Variants in THOP1 observed in about 807,000 individuals in gnomAD.
THOP1 encodes the protein thimet oligopeptidase 1.
In THOP1, 49 loss-of-function variants were observed where a neutral mutation model predicts 71.8. That is an observed-to-expected ratio of 0.68 (90% CI 0.54 to 0.87). The LOEUF is 0.87. Ranked by LOEUF, THOP1 falls within the 40% of genes least tolerant of loss-of-function variation. The pLI is 0.00. For missense variants in THOP1, 843 were observed against 975.6 expected (o/e 0.86, Z 1.81); for synonymous variants, 426 against 421.5 (o/e 1.01, Z -0.13).
At position 2,801,494 on chromosome 19, in the gene THOP1, G is replaced by A. The variant is rs148081893; in HGVS notation, c.589+1703G>A. On this transcript the variant is annotated intron_variant, in intron 5 of 12. Coordinates refer to ENST00000307741, the MANE Select transcript of THOP1 (RefSeq NM_003249.5). The surrounding 1 kb of genome is among the most constrained non-coding windows in gnomAD (Gnocchi z 5.1). ...TGACACCGTCATGCGGGTGGCTAGC[G>A]TGTTGGGTGACAGTCTCCAGGGCTG... is the stretch of plus-strand genomic sequence containing the variant. Among the ~76,000 whole-genome samples, 8 of 152,296 alleles carry A rather than the reference G, an allele frequency of 5.3e-5. No homozygotes were observed. Among genetic ancestry groups the A allele is most frequent in the East Asian group, 1.9e-4 (1 of 5,176 alleles).
rs1249846332 is a variant in THOP1 at position 2,815,190 on chromosome 19, C to G, written c.*1914C>G. 6.6e-6 allele frequency: 1 copy of G among 152,318 alleles called. No individual in the cohort carries two copies. Among genetic ancestry groups the G allele is most frequent in the Non-Finnish European group, 1.5e-5 (1 of 68,104 alleles). The allele number at this position is 152,318 out of a possible 1,614,324, so 9.4% of individuals were successfully genotyped here. A position where few individuals can be genotyped will look rare whatever the true frequency, so the allele number is the denominator to read the frequency against. On this transcript the variant is annotated 3_prime_UTR_variant, in exon 13 of 13. Transcript: ENST00000307741. ...TCCCCTGCCCCGAGCCCTCAGGTGGCCTCCACCTGGTCCCCAGCGAAGTCC... is the reference window on the plus strand; with the variant it reads ...TCCCCTGCCCCGAGCCCTCAGGTGGGCTCCACCTGGTCCCCAGCGAAGTCC...
At chr19:2,791,342 C>G (rs1292790910) in intron 2 of THOP1, among the ~76,000 whole-genome samples, 1 of 152,226 alleles carries the variant, frequency 6.6e-6, no homozygotes, top group Admixed American at 6.5e-5. Context: ...TTCCATCTAG[C>G]GGAAGGCCTT....
chr19:2,803,541 C>A (rs533148596), intron 5 of THOP1, among the ~76,000 whole-genome samples: 71 of 152,336 alleles, frequency 4.7e-4, no homozygotes, highest in Non-Finnish European at 9.3e-4. Context: ...CGCTGCTGGG[C>A]CCCCCAGCTG....
At chr19:2,798,789 C>G (rs944255306) in intron 4 of THOP1, among the ~76,000 whole-genome samples, 8 of 152,198 alleles carry the variant, frequency 5.3e-5, no homozygotes, top group African/African-American at 1.9e-4. Context: ...CCCCATGGAG[C>G]TGGGCTCCAG....
At chr19:2,794,055 C>T (rs1915951101) in intron 2 of THOP1, among the ~76,000 whole-genome samples, 1 of 151,044 alleles carries the variant, frequency 6.6e-6, no homozygotes, top group Admixed American at 6.6e-5. Flanking sequence ...CACTCTGTCG[C>T]CCAGGCTGGA....
chr19:2,806,693 C>A, intron 6 of THOP1: 4 of 669,110 alleles, frequency 6.0e-6, no homozygotes, highest in East Asian at 5.8e-5. Flanking sequence ...CCGTGTGAGG[C>A]CTTAGAGTCA....
chr19:2,796,912 GAGTT>G (rs1317127139), intron 4 of THOP1, among the ~76,000 whole-genome samples: 2 of 152,214 alleles, frequency 1.3e-5, no homozygotes, highest in African/African-American at 4.8e-5. Context: ...GGGGTGACAT[GAGTT>G]AGTTGGTGCA....
At position 2,804,302 on chromosome 19, in the gene THOP1, A is replaced by G. The variant is rs572615106; in HGVS notation, c.590-714A>G. ...GGTGTGGCTGCCGGGCAGCGGGGTG[A>G]ACTGTGTCCTGCCAGGGGTTTTGTG... On this transcript the variant is annotated intron_variant, in intron 5 of 12. Transcript: ENST00000307741. This position sits in a 1 kb window ranked among gnomAD's most constrained non-coding sequence, Gnocchi z 4.7. 4.9e-4 allele frequency among the ~76,000 whole-genome samples: 75 copies of G among 152,262 alleles called. No individual in the cohort carries two copies. The highest frequency in any genetic ancestry group is 1.6e-3 in the African/African-American group (66 of 41,538).
intron 2 of THOP1, among the ~76,000 whole-genome samples, chr19:2,792,622 T>TA (rs954734264): frequency 3.9e-4 from 59 of 151,714 alleles, no homozygotes; most frequent in African/African-American, 1.2e-3. Flanking sequence ...TGCTTTTTTT[T>TA]AAAAAAAATT....
At chr19:2,811,787 GA>G (rs1199215410) in intron 12 of THOP1, 53 bp downstream of exon 12, 1 of 1,558,766 alleles carries the variant, frequency 6.4e-7, no homozygotes, top group African/African-American at 1.5e-5. Flanking sequence ...GGTACGCGGG[GA>G]CTGGGGACAG....
Position 2,808,252 on chromosome 19 carries a change from G to A in THOP1, c.1263G>A (p.Lys421=), listed in dbSNP as rs1187701603. The A allele has an allele frequency of 3.2e-6, 5 of 1,547,250 alleles. No individual in the cohort carries two copies. Among genetic ancestry groups the A allele is most frequent in the Non-Finnish European group, 4.4e-6 (5 of 1,144,454 alleles). The change falls in exon 9 of 13, where the codon AAG becomes AAA. Residue 421 remains lysine, a synonymous_variant. Coordinates refer to ENST00000307741, the MANE Select transcript of THOP1 (RefSeq NM_003249.5). ...CTGCCTCCCTCCCCAGGGAAGGAAA[G>A]TACGGGCACGCGGCCTGCTTTGGCC... ...FYLDLYPREG[K]YGHAACFGLQ...
intron 10 of THOP1, 46 bp downstream of exon 10, chr19:2,810,536 C>G (rs1296266383): frequency 6.5e-7 from 1 of 1,529,438 alleles, no homozygotes; most frequent in East Asian, 2.5e-5. Flanking sequence ...CGGGGGGCGG[C>G]ACACAGCTGG....
In THOP1 at chr19:2,801,804, A is replaced by G. The variant is rs1211913772; in HGVS notation, c.589+2013A>G. On this transcript the variant is annotated intron_variant, in intron 5 of 12. Coordinates refer to ENST00000307741, the MANE Select transcript of THOP1 (RefSeq NM_003249.5). This position sits in a 1 kb window ranked among gnomAD's most constrained non-coding sequence, Gnocchi z 5.1. ...GGGGCTAAGCGAGCCGGTTCCACCC[A>G]GGTCTCTCCTCCTCACAAAGCCCCA... Among the ~76,000 whole-genome samples the G allele has an allele frequency of 6.6e-6, 1 of 151,994 alleles. No individual in the cohort carries two copies. The highest frequency in any genetic ancestry group is 1.5e-5 in the Non-Finnish European group (1 of 67,968).
intron 4 of THOP1, among the ~76,000 whole-genome samples, chr19:2,799,154 C>T (rs1385516140): frequency 6.6e-6 from 1 of 152,106 alleles, no homozygotes; most frequent in Non-Finnish European, 1.5e-5. Flanking sequence ...GGTGAAACCC[C>T]GTCTGTACCA....
intron 1 of THOP1, chr19:2,786,978 A>AC (rs1915759678): frequency 1.3e-5 from 2 of 150,356 alleles, no homozygotes; most frequent in African/African-American, 4.9e-5. Flanking sequence ...GATGATCTCC[A>AC]TCTCCTGACC....
chr19:2,785,578 G>C lies in THOP1; in HGVS notation c.-85G>C. 6.9e-7 allele frequency: 1 copy of C among 1,441,268 alleles called. No homozygotes were observed. The highest frequency in any genetic ancestry group is 2.9e-5 in the East Asian group (1 of 33,984). The allele number at this position is 1,441,268 out of a possible 1,614,324, so 89.3% of individuals were successfully genotyped here. A position where few individuals can be genotyped will look rare whatever the true frequency, so the allele number is the denominator to read the frequency against. ...TGGCGGCGGTGGCGGCGGTTGGGCC[G>C]AGGCAGGCGGCCTCAGTGGCCGAGG... On this transcript the variant is annotated 5_prime_UTR_variant, in exon 1 of 13. Coordinates refer to ENST00000307741, the MANE Select transcript of THOP1 (RefSeq NM_003249.5).
Position 2,815,805 on chromosome 19 carries a change from A to G in THOP1, c.*2529A>G, listed in dbSNP as rs770884557. On this transcript the variant is annotated 3_prime_UTR_variant, in exon 13 of 13. Transcript: ENST00000307741. ...GGGGAAATAAAGAATCGTAAAAAAT[A>G]CATATATTGGAACCTGTATGTTTTG... is the stretch of plus-strand genomic sequence containing the variant. 1.3e-5 allele frequency: 2 copies of G among 152,252 alleles called. No individual in the cohort carries two copies. The highest frequency in any genetic ancestry group is 2.9e-5 in the Non-Finnish European group (2 of 68,052). 9.4% of individuals were successfully genotyped at this position (152,252 alleles called of 1,614,324 possible).
Position 2,795,835 on chromosome 19 carries a change from C to T in THOP1, c.379-246C>T, listed in dbSNP as rs775061508. Among the ~76,000 whole-genome samples the T allele has an allele frequency of 2.0e-5, 3 of 152,212 alleles. No individual in the cohort carries two copies. In the South Asian group the frequency reaches 6.2e-4, roughly 32 times the overall value. On this transcript the variant is annotated intron_variant, in intron 3 of 12. Coordinates refer to ENST00000307741, the MANE Select transcript of THOP1 (RefSeq NM_003249.5). ...TGGAGACCACCAGCAATCTAATTCC[C>T]ATTCAGCCATCGCACTGGTGAAGGA...
intron 5 of THOP1, among the ~76,000 whole-genome samples, chr19:2,800,602 G>A (rs2144769178): frequency 6.6e-6 from 1 of 152,382 alleles, no homozygotes; most frequent in South Asian, 2.1e-4. Context: ...TCCGCAGGTG[G>A]CTTGATGTGT....
Sources: allele counts gnomAD v4.1 joint callset (sites outside exome capture counted in the v4.1 genomes callset), GRCh38; gene constraint gnomAD v4.1.1; non-coding constraint Gnocchi (gnomAD v3.1); transcripts MANE v1.5; gene names NCBI Gene and HGNC (gene_info 2026-07-23, HGNC 2026-07-21).